PEX14: variants seen among roughly 807,000 people sequenced by gnomAD.
The protein encoded by PEX14 is peroxisomal membrane protein PEX14.
A neutral mutation model predicts 49.5 loss-of-function variants in PEX14; 15 were observed. The ratio of observed to expected loss-of-function variants is 0.30; its 90% CI spans 0.20 to 0.47. The LOEUF is 0.47. PEX14 is among the 20% of genes least tolerant of loss of function. PEX14 has a pLI of 1.00. For missense variants in PEX14, 398 were observed against 494.8 expected, an observed-to-expected ratio of 0.80 and a Z score of 1.86; for synonymous variants, 210 against 212.7, an observed-to-expected ratio of 0.99 and a Z score of 0.11.
intron 3 of PEX14, among the ~76,000 whole-genome samples, chr1:10,590,333 T>C (rs1225231515): frequency 6.6e-6 from 1 of 152,250 alleles, no homozygotes; most frequent in Non-Finnish European, 1.5e-5. Context: ...AATGCTCTGC[T>C]ACACGTGGGT....
rs138130148 is a variant in PEX14 at position 10,545,814 on chromosome 1, C to T, written c.169+9517C>T. Among the ~76,000 whole-genome samples the T allele has an allele frequency of 6.1e-3, 924 of 152,110 alleles. 8 individuals carry two copies. Among genetic ancestry groups the T allele is most frequent in the African/African-American group, 0.021 (872 of 41,480 alleles). On this transcript the variant is annotated intron_variant, in intron 3 of 8. Coordinates refer to ENST00000356607, the MANE Select transcript of PEX14 (RefSeq NM_004565.3). ...ATCCCAACACTTTGGGAGACTGAGA[C>T]AGAAGGATTGCTTTAGATGGAAGGG...
intron 3 of PEX14, among the ~76,000 whole-genome samples, chr1:10,573,401 G>GT (rs1449259281): frequency 6.6e-6 from 1 of 152,070 alleles, no homozygotes; most frequent in African/African-American, 2.4e-5. Context: ...GGGCAGCATA[G>GT]TAAGATCCCG....
At chr1:10,533,603 C>G (rs1463513511) in intron 2 of PEX14, among the ~76,000 whole-genome samples, 1 of 152,182 alleles carries the variant, frequency 6.6e-6, no homozygotes, top group African/African-American at 2.4e-5. Context: ...AATGACAGAG[C>G]ACTCCATCAT....
intron 3 of PEX14, among the ~76,000 whole-genome samples, chr1:10,566,160 C>A (rs1639798735): frequency 6.6e-6 from 1 of 152,190 alleles, no homozygotes; most frequent in African/African-American, 2.4e-5. Flanking sequence ...TTGTTCTCAG[C>A]AGTATTGTTG....
At chr1:10,581,685 T>TA (rs1334213406) in intron 3 of PEX14, among the ~76,000 whole-genome samples, 1 of 151,182 alleles carries the variant, frequency 6.6e-6, no homozygotes, top group Admixed American at 6.6e-5. Flanking sequence ...TGGGATTTTT[T>TA]AATTGAAATT....
At chr1:10,592,723 T>G (rs1640705625) in intron 3 of PEX14, among the ~76,000 whole-genome samples, 1 of 152,222 alleles carries the variant, frequency 6.6e-6, no homozygotes, top group Non-Finnish European at 1.5e-5. Flanking sequence ...CTTTCGATCT[T>G]GGTTGATTTG....
chr1:10,523,221 T>G (rs1638358508), intron 2 of PEX14, among the ~76,000 whole-genome samples: 1 of 152,220 alleles, frequency 6.6e-6, no homozygotes, highest in Non-Finnish European at 1.5e-5. Flanking sequence ...TTCTATGATT[T>G]GGATACCAGA....
intron 3 of PEX14, among the ~76,000 whole-genome samples, chr1:10,573,995 C>T (rs536653133): frequency 1.1e-3 from 170 of 151,974 alleles, no homozygotes; most frequent in Admixed American, 9.2e-4. Flanking sequence ...CCTGCTACTC[C>T]GGAGGCTGAG....
intron 3 of PEX14, among the ~76,000 whole-genome samples, chr1:10,546,965 A>C (rs190610545): frequency 3.3e-5 from 5 of 152,294 alleles, no homozygotes; most frequent in African/African-American, 4.8e-5. Flanking sequence ...GGTAGACCCA[A>C]GGTTAGGCCT....
intron 3 of PEX14, among the ~76,000 whole-genome samples, chr1:10,544,509 TG>T (rs1639110530): frequency 6.6e-6 from 1 of 152,184 alleles, no homozygotes; most frequent in Admixed American, 6.5e-5. Context: ...TTGCTTTTTT[TG>T]TGTTAAGCAG....
intron 3 of PEX14, among the ~76,000 whole-genome samples, chr1:10,587,889 CAT>C (rs199907959): frequency 0.01 from 1,328 of 127,808 alleles, 23 homozygotes; most frequent in African/African-American, 0.037. Flanking sequence ...TGTATACACA[CAT>C]GTGCTTTTTT....
chr1:10,489,526 C>T (rs1557807802), intron 1 of PEX14, among the ~76,000 whole-genome samples: 1 of 152,184 alleles, frequency 6.6e-6, no homozygotes, highest in Non-Finnish European at 1.5e-5. Context: ...AGTCTGGCTG[C>T]TTGGGACTCA....
intron 3 of PEX14, among the ~76,000 whole-genome samples, chr1:10,543,338 C>T (rs1445044894): frequency 6.6e-6 from 1 of 152,016 alleles, no homozygotes; most frequent in Non-Finnish European, 1.5e-5. Flanking sequence ...GTTTTACCAT[C>T]TTGGCCAGGC....
At chr1:10,550,623 C>T (rs1411401) in intron 3 of PEX14, among the ~76,000 whole-genome samples, 16,319 of 152,282 alleles carry the variant, frequency 0.11, 962 homozygotes, top group Non-Finnish European at 0.12. Flanking sequence ...TTTTGCTTTA[C>T]AGCTTAAAAG....
intron 2 of PEX14, among the ~76,000 whole-genome samples, chr1:10,531,299 C>T (rs1489043397): frequency 1.3e-5 from 2 of 152,132 alleles, no homozygotes; most frequent in African/African-American, 4.8e-5. Flanking sequence ...TTCCCTGTGC[C>T]GCCGATGACC....
chr1:10,528,614 G>A (rs1638558343), intron 2 of PEX14, among the ~76,000 whole-genome samples: 1 of 152,112 alleles, frequency 6.6e-6, no homozygotes, highest in Non-Finnish European at 1.5e-5. Flanking sequence ...TTTACAACAC[G>A]AAGCCTGGGT....
chr1:10,615,817 A>C (rs1641398029), intron 4 of PEX14, among the ~76,000 whole-genome samples: 4 of 152,216 alleles, frequency 2.6e-5, no homozygotes, highest in Admixed American at 1.3e-4. Context: ...GGGAAACGTG[A>C]AGGAAGAGAA....
chr1:10,614,722 C>T (rs964899186), intron 4 of PEX14, among the ~76,000 whole-genome samples: 10 of 152,146 alleles, frequency 6.6e-5, no homozygotes, highest in Non-Finnish European at 8.8e-5. Context: ...CCGTGGGCCC[C>T]GTTCTGCACT....
chr1:10,536,328 C>T, intron 3 of PEX14, 31 bp downstream of exon 3: 1 of 1,358,838 alleles, frequency 7.4e-7, no homozygotes, highest in Non-Finnish European at 1.1e-6. Context: ...TGCAGCACGG[C>T]CTACAGGGGG....
Sources: allele counts gnomAD v4.1 joint callset (sites outside exome capture counted in the v4.1 genomes callset), GRCh38; gene constraint gnomAD v4.1.1; transcripts MANE v1.5; gene names NCBI Gene and HGNC (gene_info 2026-07-23, HGNC 2026-07-21).